CHST3: variants seen among roughly 807,000 people sequenced by gnomAD.
CHST3 encodes the protein C6ST-1.
A neutral mutation model predicts 35.4 loss-of-function variants in CHST3; 20 were observed. That is an observed-to-expected ratio of 0.57 (90% CI 0.40 to 0.82). The LOEUF is 0.82. Ranked by LOEUF, CHST3 falls within the 40% of genes least tolerant of loss-of-function variation. The pLI, the probability that CHST3 is intolerant of heterozygous loss-of-function variation, is 0.00. For missense variants in CHST3, 693 were observed against 670.1 expected, an observed-to-expected ratio of 1.03 and a Z score of -0.38; for synonymous variants, 334 against 295.9, an observed-to-expected ratio of 1.13 and a Z score of -1.32.
At chr10:71,990,706 T>A (rs1469548443) in intron 1 of CHST3, among the ~76,000 whole-genome samples, 1 of 152,162 alleles carries the variant, frequency 6.6e-6, no homozygotes, top group African/African-American at 2.4e-5. Context: ...TCCACACTGG[T>A]GACCTAGTCA....
At chr10:71,992,821 T>C (rs75113217) in intron 1 of CHST3, among the ~76,000 whole-genome samples, 52,892 of 151,500 alleles carry the variant, frequency 0.35, 10,956 homozygotes, top group Non-Finnish European at 0.47. Context: ...CCACCACGCT[T>C]GGCTAATTTT....
intron 1 of CHST3, among the ~76,000 whole-genome samples, chr10:71,984,242 C>T (rs924333065): frequency 7.2e-5 from 11 of 152,086 alleles, no homozygotes; most frequent in Non-Finnish European, 1.5e-4. Context: ...AGGCTGGGTT[C>T]GAACTCCTGA....
In CHST3 at chr10:71,988,171, G is replaced by A. The variant is rs547380980; in HGVS notation, c.-107-17565G>A. 3.3e-5 allele frequency among the ~76,000 whole-genome samples: 5 copies of A among 152,284 alleles called. 1 individual carries two copies. The South Asian group carries it at 1.0e-3, about 32-fold the overall frequency. On this transcript the variant is annotated intron_variant, in intron 1 of 2. Coordinates refer to ENST00000373115, the MANE Select transcript of CHST3 (RefSeq NM_004273.5). ...AATGAGCACAGCGTTTTGTAATAATGAGCATGACCAAAATGGGAAAAAATA... is the reference window on the plus strand; with the variant it reads ...AATGAGCACAGCGTTTTGTAATAATAAGCATGACCAAAATGGGAAAAAATA...
At chr10:71,979,749 G>C (rs1056050901) in intron 1 of CHST3, among the ~76,000 whole-genome samples, 3 of 152,110 alleles carry the variant, frequency 2.0e-5, no homozygotes, top group African/African-American at 4.8e-5. Flanking sequence ...TAGATGCTTA[G>C]TATGTAAAAT....
rs549872492 is a variant in CHST3, at chr10:71,987,576, C to T, written c.-107-18160C>T. On this transcript the variant is annotated intron_variant, in intron 1 of 2. Transcript: ENST00000373115. ...TAAAAATACAAAAAAATTAGCTGGG[C>T]GTGGTGGTGCCTAACTGTAATCCCA... is the stretch of plus-strand genomic sequence containing the variant. 9.2e-5 allele frequency among the ~76,000 whole-genome samples: 14 copies of T among 152,030 alleles called. 2 individuals carry two copies. Among genetic ancestry groups the T allele is most frequent in the Admixed American group, 7.9e-4 (12 of 15,272 alleles).
At chr10:71,973,780 C>G (rs1481321575) in intron 1 of CHST3, among the ~76,000 whole-genome samples, 1 of 152,178 alleles carries the variant, frequency 6.6e-6, no homozygotes, top group East Asian at 1.9e-4. Context: ...GGAAGCCTTC[C>G]TAGAGGAGGC....
intron 1 of CHST3, among the ~76,000 whole-genome samples, chr10:71,967,042 C>T (rs1271246124): frequency 1.3e-5 from 2 of 152,164 alleles, no homozygotes; most frequent in Middle Eastern, 3.2e-3. Flanking sequence ...CTCTATTGCT[C>T]AGGCAGGAGT....
chr10:72,000,755 A>G (rs978215360), intron 1 of CHST3, among the ~76,000 whole-genome samples: 12 of 151,776 alleles, frequency 7.9e-5, no homozygotes, highest in Admixed American at 3.3e-4. Flanking sequence ...GTGGCTGAGA[A>G]GCTGGGTGGC....
chr10:71,976,342 T>C (rs373885182), intron 1 of CHST3, among the ~76,000 whole-genome samples: 2 of 152,188 alleles, frequency 1.3e-5, no homozygotes, highest in African/African-American at 4.8e-5. Context: ...GCAGGTGCTG[T>C]GGGGACACGG....
chr10:71,990,928 CAA>C (rs1356714209), intron 1 of CHST3, among the ~76,000 whole-genome samples: 2 of 152,160 alleles, frequency 1.3e-5, no homozygotes, highest in Non-Finnish European at 2.9e-5. Context: ...ATTAGTCCCC[CAA>C]ATCTTAGTAT....
At position 72,011,156 on chromosome 10, in the gene CHST3, G is replaced by A. The variant is rs1189889970; in HGVS notation, c.*2685G>A. 2 of 152,216 alleles carry A rather than the reference G, an allele frequency of 1.3e-5. No individual in the cohort carries two copies. Among genetic ancestry groups the A allele is most frequent in the African/African-American group, 2.4e-5 (1 of 41,444 alleles). The allele number at this position is 152,216 out of a possible 1,614,324, so 9.4% of individuals were successfully genotyped here. On this transcript the variant is annotated 3_prime_UTR_variant, in exon 3 of 3. Transcript: ENST00000373115. Reference sequence around the variant, plus strand: ...CGTTCATGCATGGACACCAGAAGACGATTCAGAACACAAGAGGAGAATGAG... The same window carrying A: ...CGTTCATGCATGGACACCAGAAGACAATTCAGAACACAAGAGGAGAATGAG...
At chr10:71,999,072 C>G (rs1387923921) in intron 1 of CHST3, among the ~76,000 whole-genome samples, 1 of 152,270 alleles carries the variant, frequency 6.6e-6, no homozygotes, top group Non-Finnish European at 1.5e-5. Flanking sequence ...CCTTCCCAAG[C>G]TGTCTCTGGC....
intron 1 of CHST3, among the ~76,000 whole-genome samples, chr10:71,974,154 T>C (rs574745048): frequency 1.8e-4 from 27 of 152,340 alleles, no homozygotes; most frequent in South Asian, 1.0e-3. Flanking sequence ...TGAGCTATTA[T>C]TATATAGGTA....
intron 1 of CHST3, among the ~76,000 whole-genome samples, chr10:71,995,241 C>A (rs148526356): frequency 0.12 from 18,640 of 151,746 alleles, 1,138 homozygotes; most frequent in Admixed American, 0.16. Flanking sequence ...CCTGGCCAAC[C>A]TGATGAAACC....
chr10:71,965,770 C>G (rs1172633731), intron 1 of CHST3, among the ~76,000 whole-genome samples: 1 of 152,170 alleles, frequency 6.6e-6, no homozygotes, highest in African/African-American at 2.4e-5. Context: ...GCCAGTGGGC[C>G]TCTGCTGGGT....
chr10:71,966,704 C>T (rs1305276878), intron 1 of CHST3, among the ~76,000 whole-genome samples: 2 of 152,114 alleles, frequency 1.3e-5, no homozygotes, highest in African/African-American at 4.8e-5. Context: ...TTCATTATGC[C>T]CTCTGTGAAT....
At chr10:71,989,587 T>C (rs1364046038) in intron 1 of CHST3, among the ~76,000 whole-genome samples, 1 of 152,256 alleles carries the variant, frequency 6.6e-6, no homozygotes, top group African/African-American at 2.4e-5. Context: ...TAACTGTGTG[T>C]AGGATGATGG....
chr10:72,006,310 T>G (rs1039342113), intron 2 of CHST3, among the ~76,000 whole-genome samples: 6 of 152,256 alleles, frequency 3.9e-5, no homozygotes, highest in African/African-American at 1.4e-4. Context: ...CCAGCATTGT[T>G]GTAAAGATTA....
chr10:71,971,487 G>A (rs1051135184), intron 1 of CHST3, among the ~76,000 whole-genome samples: 2 of 152,142 alleles, frequency 1.3e-5, no homozygotes, highest in African/African-American at 4.8e-5. Context: ...GCCCGCCTGT[G>A]CCTGTGCCAG....
Sources: gnomAD v4.1 joint callset for allele counts (sites outside exome capture counted in the v4.1 genomes callset) on GRCh38, gnomAD v4.1.1 for gene constraint, MANE v1.5 for transcripts, NCBI Gene and HGNC (gene_info 2026-07-23, HGNC 2026-07-21) for gene names.